The following ADGRG6 variants were observed in gnomAD, a reference collection of about 807,000 sequenced individuals.
ADGRG6 encodes the protein G-protein coupled receptor 126.
A neutral mutation model predicts 142.4 loss-of-function variants in ADGRG6; 84 were observed. The observed-to-expected ratio is 0.59, with a 90% CI of 0.49 to 0.71. The LOEUF (loss-of-function observed/expected upper bound fraction) is 0.71, where lower values mean the gene tolerates loss of function less well. Among genes scored for constraint, ADGRG6 ranks in the 30% least tolerant of loss-of-function variants. The probability of loss-of-function intolerance (pLI) is 0.00; values close to 1 mark genes in which losing one functional copy is unlikely to be tolerated. For synonymous variants in ADGRG6, 521 were observed against 520.5 expected (o/e 1.00, Z -0.01); for missense variants, 1,367 against 1,466.6 (o/e 0.93, Z 1.11).
At chr6:142,392,828 A>G (rs971430439) in intron 7 of ADGRG6, 120 bp from the exon 8 acceptor site, 6 of 669,314 alleles carry the variant, frequency 9.0e-6, no homozygotes, top group Admixed American at 5.2e-5. Context: ...CACTCCTCCA[A>G]CTCTTCAGGA....
At chr6:142,408,000 G>A in intron 15 of ADGRG6, 150 bp from the exon 16 acceptor site, 1 of 507,252 alleles carries the variant, frequency 2.0e-6, no homozygotes, top group Non-Finnish European at 3.5e-6. Context: ...CCTCCTTCAG[G>A]AAAGCCAGCA....
At position 142,417,281 on chromosome 6, in the gene ADGRG6, G is replaced by A. The variant is rs1489614516; in HGVS notation, c.2947G>A (p.Ala983Thr). ...TGGTGTTTTTGTAACAGGTTTGCCTGCCTTAGTGGTGTCAGTTGTTCTAGC... is the reference window on the plus strand; with the variant it reads ...TGGTGTTTTTGTAACAGGTTTGCCTACCTTAGTGGTGTCAGTTGTTCTAGC... ...KFCIIGWGLPALVVSVVLASR... is the reference protein window; with the variant it reads ...KFCIIGWGLPTLVVSVVLASR... The change falls in exon 21 of 25, where the codon GCC becomes ACC. Residue 983 changes from alanine to threonine, a missense_variant. Physicochemically the swap from Ala to Thr is moderately conservative, Grantham distance 58. Coordinates refer to ENST00000367609, the MANE Select transcript of ADGRG6 (RefSeq NM_198569.3). The A allele has an allele frequency of 1.9e-6, 3 of 1,584,812 alleles. No individual in the cohort carries two copies. Among genetic ancestry groups the A allele is most frequent in the Admixed American group, 3.4e-5 (2 of 59,514 alleles).
At chr6:142,401,262 A>G (rs1341252689) in intron 11 of ADGRG6, among the ~76,000 whole-genome samples, 1 of 152,184 alleles carries the variant, frequency 6.6e-6, no homozygotes, top group East Asian at 1.9e-4. Flanking sequence ...AGATGTATGG[A>G]CTTGAGTTTG....
At chr6:142,415,177 A>G in intron 19 of ADGRG6, 81 bp downstream of exon 19, 4 of 1,075,062 alleles carry the variant, frequency 3.7e-6, no homozygotes, top group Non-Finnish European at 4.1e-6. Flanking sequence ...TTTGAAAAAC[A>G]TTTATACACT....
intron 20 of ADGRG6, 159 bp from the exon 21 acceptor site, chr6:142,417,114 C>A (rs1401449165): frequency 1.5e-6 from 1 of 680,218 alleles, no homozygotes; most frequent in African/African-American, 1.8e-5. Context: ...TTGTTGTTAA[C>A]CAAGTTGCCA....
intron 2 of ADGRG6, among the ~76,000 whole-genome samples, chr6:142,349,363 G>A (rs1238144836): frequency 2.6e-5 from 4 of 152,170 alleles, no homozygotes; most frequent in South Asian, 2.1e-4. Context: ...TCCCAACAGC[G>A]GCCTCAGCAG....
At chr6:142,384,776 T>G (rs185281933) in intron 6 of ADGRG6, among the ~76,000 whole-genome samples, 4 of 152,048 alleles carry the variant, frequency 2.6e-5, no homozygotes, top group Admixed American at 6.6e-5. Context: ...ATAGTTCATT[T>G]TTTCTTGGCT....
At chr6:142,393,319 C>G (rs559171503) in intron 8 of ADGRG6, among the ~76,000 whole-genome samples, 18 of 152,116 alleles carry the variant, frequency 1.2e-4, no homozygotes, top group Non-Finnish European at 1.9e-4. Context: ...GGTGGATCAC[C>G]TAGAGCACCC....
chr6:142,359,012 C>G (rs1780585771), intron 2 of ADGRG6, among the ~76,000 whole-genome samples: 1 of 150,476 alleles, frequency 6.6e-6, no homozygotes, highest in South Asian at 2.1e-4. Flanking sequence ...TTGAGAGCAC[C>G]CTGGGCAACA....
rs1025485276 is a variant in ADGRG6, at chr6:142,341,629, A to C, written c.104-25940A>C. 3.5e-4 allele frequency among the ~76,000 whole-genome samples: 45 copies of C among 129,310 alleles called. 1 individual carries two copies. Among genetic ancestry groups the C allele is most frequent in the African/African-American group, 1.1e-3 (38 of 33,090 alleles). The allele number at this position is 129,310 out of a possible 152,430, so 84.8% of individuals were successfully genotyped here. A position where few individuals can be genotyped will look rare whatever the true frequency, so the allele number is the denominator to read the frequency against. On this transcript the variant is annotated intron_variant, in intron 2 of 24. Transcript: ENST00000367609. Reference sequence around the variant, plus strand: ...TACTATATAATATGTAGTATATATAATATATAATATATATAATATATACTA... The same window carrying C: ...TACTATATAATATGTAGTATATATACTATATAATATATATAATATATACTA...
chr6:142,325,281 A>T (rs962950142), intron 2 of ADGRG6, among the ~76,000 whole-genome samples: 1 of 152,040 alleles, frequency 6.6e-6, no homozygotes, highest in African/African-American at 2.4e-5. Flanking sequence ...ATAGCCCTCC[A>T]CTGTAATCAC....
chr6:142,396,262 T>C (rs375414074), intron 9 of ADGRG6, among the ~76,000 whole-genome samples: 18 of 152,312 alleles, frequency 1.2e-4, no homozygotes, highest in African/African-American at 4.3e-4. Context: ...ATTTTAAAAA[T>C]TGTTAAGCTA....
At chr6:142,427,284 T>A (rs890027675) in intron 22 of ADGRG6, among the ~76,000 whole-genome samples, 1 of 152,164 alleles carries the variant, frequency 6.6e-6, no homozygotes, top group Non-Finnish European at 1.5e-5. Context: ...TTCTACCAGA[T>A]ACCCTAAATC....
At chr6:142,405,881 A>C (rs1775779341) in intron 15 of ADGRG6, 53 bp downstream of exon 15, 8 of 1,331,890 alleles carry the variant, frequency 6.0e-6, no homozygotes, top group South Asian at 1.5e-5. Context: ...AGTTTCTTTG[A>C]GCAAAGAAAA....
intron 11 of ADGRG6, among the ~76,000 whole-genome samples, chr6:142,401,284 C>T (rs556825679): frequency 1.3e-5 from 2 of 152,266 alleles, no homozygotes; most frequent in Admixed American, 6.5e-5. Flanking sequence ...AATGTGGCTC[C>T]ATCTCTTCCT....
rs1037508712 is a variant in ADGRG6, at chr6:142,443,742, G to A, written c.*227G>A. ...TCAGTACTGAGAGTAACATGACTCA[G>A]TAGCCACAGAAGCTATGATTTGTAA... On this transcript the variant is annotated 3_prime_UTR_variant, in exon 25 of 25. Coordinates refer to ENST00000367609, the MANE Select transcript of ADGRG6 (RefSeq NM_198569.3). 4.0e-5 allele frequency: 16 copies of A among 396,938 alleles called. No individual in the cohort carries two copies. Among genetic ancestry groups the A allele is most frequent in the Non-Finnish European group, 6.7e-5 (15 of 223,466 alleles). 24.6% of individuals were successfully genotyped at this position (396,938 alleles called of 1,614,324 possible).
intron 22 of ADGRG6, among the ~76,000 whole-genome samples, chr6:142,421,231 A>G (rs1186764251): frequency 1.3e-5 from 2 of 152,182 alleles, no homozygotes; most frequent in African/African-American, 4.8e-5. Flanking sequence ...TTGGTAAATT[A>G]ATGGATTGCT....
At position 142,402,036 on chromosome 6, in the gene ADGRG6, T is replaced by C. The variant is rs900944539; in HGVS notation, c.1722T>C (p.Pro574=). 6.4e-7 allele frequency: 1 copy of C among 1,552,540 alleles called. No individual in the cohort carries two copies. Among genetic ancestry groups the C allele is most frequent in the South Asian group, 1.2e-5 (1 of 86,788 alleles). Residue 574 remains proline (P), a synonymous_variant, in exon 12 of 25, where the codon CCT becomes CCC. Coordinates refer to ENST00000367609, the MANE Select transcript of ADGRG6 (RefSeq NM_198569.3). ...ACCCATTGGTAACCTACTGGGGACC[T>C]GTTGATATCTCCAACTGTTTAAGTA... is the stretch of plus-strand genomic sequence containing the variant. ...ATNPLVTYWG[P]VDISNCLKEA... is the part of the protein sequence containing the mutation.
At chr6:142,436,568 G>A (rs1777498146) in intron 22 of ADGRG6, among the ~76,000 whole-genome samples, 2 of 152,094 alleles carry the variant, frequency 1.3e-5, no homozygotes, top group Non-Finnish European at 2.9e-5. Flanking sequence ...TTGGGAAAAG[G>A]AATAAAGAGA....
Sources: allele counts gnomAD v4.1 joint callset (sites outside exome capture counted in the v4.1 genomes callset), GRCh38; gene constraint gnomAD v4.1.1; transcripts MANE v1.5; gene names NCBI Gene and HGNC (gene_info 2026-07-23, HGNC 2026-07-21).